Variants in CXADR observed in about 807,000 individuals in gnomAD.
CXADR encodes coxsackievirus and adenovirus receptor.
In CXADR, 20 loss-of-function variants were observed where a neutral mutation model predicts 40.3. That is an observed-to-expected ratio of 0.50 (90% CI 0.35 to 0.72). The LOEUF is 0.72. Ranked by LOEUF, CXADR falls within the 30% of genes least tolerant of loss-of-function variation. The probability of loss-of-function intolerance (pLI) is 0.01; values close to 1 mark genes in which losing one functional copy is unlikely to be tolerated. For synonymous variants in CXADR, 150 were observed against 161.3 expected, an observed-to-expected ratio of 0.93 and a Z score of 0.53; for missense variants, 332 against 449.1, an observed-to-expected ratio of 0.74 and a Z score of 2.36.
intron 1 of CXADR, among the ~76,000 whole-genome samples, chr21:17,522,638 T>G (rs2060546684): frequency 6.6e-6 from 1 of 152,242 alleles, no homozygotes; most frequent in Non-Finnish European, 1.5e-5. Flanking sequence ...ACATCGTATC[T>G]TCAGCCTCTT....
At chr21:17,573,882 G>A (rs1420558113), downstream of CXADR, among the ~76,000 whole-genome samples, 1 of 152,158 alleles carries the variant, frequency 6.6e-6, no homozygotes, top group Non-Finnish European at 1.5e-5. Context: ...ACTCCAGCCT[G>A]GGCAACAGAG....
chr21:17,594,294 G>T (rs532920211), downstream of CXADR: 11 of 1,613,030 alleles, frequency 6.8e-6, no homozygotes, highest in South Asian at 4.4e-5. Flanking sequence ...TGGGCAAAGG[G>T]TGCCACATTG....
chr21:17,580,169 G>A (rs754943807), intron 7 of CXADR, among the ~76,000 whole-genome samples: 25 of 152,132 alleles, frequency 1.6e-4, no homozygotes, highest in Non-Finnish European at 2.4e-4. Context: ...TATGAAAACA[G>A]CCGTTTATTA....
At chr21:17,528,274 C>T (rs2060624225) in intron 1 of CXADR, among the ~76,000 whole-genome samples, 1 of 151,374 alleles carries the variant, frequency 6.6e-6, no homozygotes, top group Non-Finnish European at 1.5e-5. Context: ...CGGGGTTTCA[C>T]CATGTTGTCC....
chr21:17,552,079 G>A, intron 3 of CXADR, 126 bp downstream of exon 3: 1 of 693,118 alleles, frequency 1.4e-6, no homozygotes, highest in Non-Finnish European at 2.4e-6. Flanking sequence ...AACACTTGAA[G>A]TACTTCTATG....
intron 2 of CXADR, among the ~76,000 whole-genome samples, chr21:17,550,559 G>A (rs1315465935): frequency 2.0e-5 from 3 of 152,102 alleles, no homozygotes; most frequent in African/African-American, 4.8e-5. Context: ...GATACAGGCC[G>A]TAGTTGTGTT....
chr21:17,559,253 C>T, intron 4 of CXADR, 122 bp downstream of exon 4: 1 of 1,022,054 alleles, frequency 9.8e-7, no homozygotes, highest in Non-Finnish European at 1.4e-6. Flanking sequence ...AATCACGGCT[C>T]ACTGAAGCTT....
chr21:17,587,171 C>G (rs1231133400), intron 7 of CXADR, among the ~76,000 whole-genome samples: 1 of 152,208 alleles, frequency 6.6e-6, no homozygotes, highest in Non-Finnish European at 1.5e-5. Context: ...CAAGTCTTTG[C>G]TATTGTGAAT....
At chr21:17,629,361 C>CAG in the CXADR span, among the ~76,000 whole-genome samples, 24 of 115,056 alleles carry the variant, frequency 2.1e-4, no homozygotes, top group South Asian at 5.4e-4. Flanking sequence ...GCCTGGGCGA[C>CAG]AGAGAGAGAG....
the CXADR span, among the ~76,000 whole-genome samples, chr21:17,610,057 G>A: frequency 2.1e-4 from 32 of 152,074 alleles, no homozygotes; most frequent in Non-Finnish European, 3.8e-4. Flanking sequence ...TCACACTAAG[G>A]GAAAGAAGCC....
Position 17,565,397 on chromosome 21 carries a change from C to G in CXADR, c.834-31C>G, listed in dbSNP as rs754433364. 1.2e-6 allele frequency: 2 copies of G among 1,605,420 alleles called. 1 individual carries two copies. Among genetic ancestry groups the G allele is most frequent in the Non-Finnish European group, 1.7e-6 (2 of 1,175,140 alleles). ...TTGTAGGTTTTTAGAAACTTATTCT[C>G]TTGACATGTATTGGGGATTTTGCTT... On this transcript the variant is annotated intron_variant, in intron 6 of 6. Coordinates refer to ENST00000284878, the MANE Select transcript of CXADR (RefSeq NM_001338.5).
At chr21:17,619,011 A>G in the CXADR span, among the ~76,000 whole-genome samples, 4 of 151,904 alleles carry the variant, frequency 2.6e-5, no homozygotes, top group Admixed American at 6.5e-5. Flanking sequence ...TTTAAGAGGA[A>G]TATTTTTTTC....
chr21:17,564,814 A>C (rs2061181188), intron 6 of CXADR, among the ~76,000 whole-genome samples: 1 of 152,100 alleles, frequency 6.6e-6, no homozygotes, highest in African/African-American at 2.4e-5. Context: ...GGCTCACTGC[A>C]ACTTTGGCCT....
At chr21:17,601,157 C>T in the CXADR span, among the ~76,000 whole-genome samples, 11 of 148,444 alleles carry the variant, frequency 7.4e-5, no homozygotes, top group African/African-American at 1.0e-4. Context: ...AGTGAGACTC[C>T]GTCTCAAAAA....
chr21:17,608,890 G>A, the CXADR span: 1 of 1,364,908 alleles, frequency 7.3e-7, no homozygotes. Flanking sequence ...TGTAGGCATG[G>A]TCTGCACACC....
At chr21:17,546,502 A>T (rs931822843) in intron 1 of CXADR, among the ~76,000 whole-genome samples, 2 of 152,208 alleles carry the variant, frequency 1.3e-5, no homozygotes, top group Non-Finnish European at 2.9e-5. Flanking sequence ...GGCACGTCCC[A>T]CGTGGCCAGA....
chr21:17,517,542 C>G (rs1326953718), intron 1 of CXADR, among the ~76,000 whole-genome samples: 1 of 152,160 alleles, frequency 6.6e-6, no homozygotes, highest in Non-Finnish European at 1.5e-5. Context: ...TTCAACCTTG[C>G]TGAAAAAGAG....
At chr21:17,550,883 G>C (rs2060958747) in intron 2 of CXADR, among the ~76,000 whole-genome samples, 1 of 152,126 alleles carries the variant, frequency 6.6e-6, no homozygotes, top group Non-Finnish European at 1.5e-5. Context: ...GTTAACCTGG[G>C]TACACATATC....
At chr21:17,561,275 A>T (rs1324687692) in intron 5 of CXADR, 63 bp from the exon 6 acceptor site, 1 of 910,478 alleles carries the variant, frequency 1.1e-6, no homozygotes, top group East Asian at 2.9e-5. Context: ...TGTATAGCCT[A>T]CCTTCAGTAT....
Sources: gnomAD v4.1 joint callset for allele counts (sites outside exome capture counted in the v4.1 genomes callset) on GRCh38, gnomAD v4.1.1 for gene constraint, MANE v1.5 for transcripts, NCBI Gene and HGNC (gene_info 2026-07-23, HGNC 2026-07-21) for gene names.